KCNQ5: variants seen among roughly 807,000 people sequenced by gnomAD.
KCNQ5 encodes potassium voltage-gated channel subfamily Q member 5, also known as potassium voltage-gated channel subfamily KQT member 5.
Under a neutral mutation model 98.2 loss-of-function variants are expected in KCNQ5, and 30 were observed. The ratio of observed to expected loss-of-function variants is 0.31; its 90% confidence interval spans 0.23 to 0.41. The LOEUF is 0.41. Among genes scored for constraint, KCNQ5 ranks in the 10% least tolerant of loss-of-function variants. The probability of loss-of-function intolerance (pLI) is 1.00; values close to 1 mark genes in which losing one functional copy is unlikely to be tolerated. For missense variants in KCNQ5, 835 were observed against 1,182.5 expected, an observed-to-expected ratio of 0.71 and a Z score of 4.31; for synonymous variants, 458 against 449.4, an observed-to-expected ratio of 1.02 and a Z score of -0.24.
chr6:73,101,869 T>C (rs538295891), intron 5 of KCNQ5, among the ~76,000 whole-genome samples: 1 of 152,090 alleles, frequency 6.6e-6, no homozygotes. Context: ...AAAATACCAA[T>C]GACATTCTTC....
intron 1 of KCNQ5, among the ~76,000 whole-genome samples, chr6:72,936,970 T>C (rs1765951775): frequency 6.6e-6 from 1 of 152,208 alleles, no homozygotes; most frequent in African/African-American, 2.4e-5. Context: ...TTTTGCATAA[T>C]TGAGATAGAA....
chr6:72,930,987 A>T (rs1765670569), intron 1 of KCNQ5, among the ~76,000 whole-genome samples: 1 of 152,016 alleles, frequency 6.6e-6, no homozygotes, highest in African/African-American at 2.4e-5. Context: ...TTGTTGGCTG[A>T]CCTCTGCTTT....
chr6:72,926,039 G>A (rs1009529311), intron 1 of KCNQ5, among the ~76,000 whole-genome samples: 9 of 152,176 alleles, frequency 5.9e-5, no homozygotes, highest in Non-Finnish European at 1.2e-4. Context: ...AAAAATAGCA[G>A]AGAGCCAGAA....
chr6:73,187,936 A>C (rs1765443699), intron 11 of KCNQ5, among the ~76,000 whole-genome samples: 1 of 152,182 alleles, frequency 6.6e-6, no homozygotes, highest in South Asian at 2.1e-4. Context: ...ACATCCCACC[A>C]AGAAAAAATG....
At chr6:72,660,444 C>T (rs1766451631) in intron 1 of KCNQ5, among the ~76,000 whole-genome samples, 1 of 151,872 alleles carries the variant, frequency 6.6e-6, no homozygotes, top group Non-Finnish European at 1.5e-5. Flanking sequence ...TCTGATAATC[C>T]CTTTTTATCA....
intron 10 of KCNQ5, chr6:73,135,853 T>A (rs1212335449): frequency 2.0e-5 from 3 of 152,208 alleles, no homozygotes; most frequent in Non-Finnish European, 4.4e-5. Context: ...CTTTAGATGG[T>A]CTTCTCCCTG....
chr6:73,156,886 G>A (rs1396683811), intron 10 of KCNQ5, among the ~76,000 whole-genome samples: 2 of 152,182 alleles, frequency 1.3e-5, no homozygotes, highest in Non-Finnish European at 2.9e-5. Flanking sequence ...GAGGAGATAG[G>A]AGCAGAGAAG....
chr6:72,710,975 A>G (rs1769337239), intron 1 of KCNQ5, among the ~76,000 whole-genome samples: 1 of 152,178 alleles, frequency 6.6e-6, no homozygotes, highest in Non-Finnish European at 1.5e-5. Context: ...GATCCAAATC[A>G]TATTGAATAT....
chr6:72,871,851 G>A (rs950036042), intron 1 of KCNQ5, among the ~76,000 whole-genome samples: 2 of 152,098 alleles, frequency 1.3e-5, no homozygotes, highest in African/African-American at 2.4e-5. Flanking sequence ...GATTGAGCAG[G>A]CATTCATCTG....
intron 1 of KCNQ5, among the ~76,000 whole-genome samples, chr6:72,984,522 A>G (rs553776640): frequency 6.6e-6 from 1 of 152,238 alleles, no homozygotes; most frequent in African/African-American, 2.4e-5. Flanking sequence ...CGAGCCAGAC[A>G]TGGGATATAC....
chr6:73,120,885 A>G (rs1562190872), intron 8 of KCNQ5, among the ~76,000 whole-genome samples: 1 of 152,206 alleles, frequency 6.6e-6, no homozygotes, highest in Non-Finnish European at 1.5e-5. Flanking sequence ...TCCTAAAGGT[A>G]AGCACCACAG....
intron 1 of KCNQ5, among the ~76,000 whole-genome samples, chr6:72,832,486 G>A (rs540654341): frequency 6.6e-6 from 1 of 152,130 alleles, no homozygotes; most frequent in African/African-American, 2.4e-5. Context: ...GTCATGCACG[G>A]GACAGCCCCA....
At chr6:73,122,350 G>GA (rs1286303209) in intron 8 of KCNQ5, among the ~76,000 whole-genome samples, 1 of 152,108 alleles carries the variant, frequency 6.6e-6, no homozygotes, top group East Asian at 1.9e-4. Context: ...TAAAAGCCTG[G>GA]AAAAACTGTT....
chr6:72,738,740 A>G (rs1770978153), intron 1 of KCNQ5, among the ~76,000 whole-genome samples: 1 of 152,192 alleles, frequency 6.6e-6, no homozygotes, highest in South Asian at 2.1e-4. Context: ...AAGGTATCAC[A>G]TCGTGAAAAG....
intron 2 of KCNQ5, among the ~76,000 whole-genome samples, chr6:73,026,076 C>T (rs1343396881): frequency 6.6e-6 from 1 of 152,190 alleles, no homozygotes; most frequent in Non-Finnish European, 1.5e-5. Flanking sequence ...TTTCCATGCC[C>T]TGATCCTCGG....
intron 1 of KCNQ5, among the ~76,000 whole-genome samples, chr6:72,930,243 A>G (rs1288787971): frequency 6.6e-6 from 1 of 152,166 alleles, no homozygotes; most frequent in African/African-American, 2.4e-5. Flanking sequence ...GATTTCATAA[A>G]TAAACCTAGA....
chr6:72,636,890 G>A (rs1486461812), intron 1 of KCNQ5, among the ~76,000 whole-genome samples: 1 of 152,264 alleles, frequency 6.6e-6, no homozygotes, highest in East Asian at 1.9e-4. Context: ...CTTTTGAAGG[G>A]ATTTACAAGG....
At chr6:73,030,457 AG>A (rs1284634440) in intron 2 of KCNQ5, among the ~76,000 whole-genome samples, 1 of 152,186 alleles carries the variant, frequency 6.6e-6, no homozygotes, top group Non-Finnish European at 1.5e-5. Context: ...TACCTCTCAA[AG>A]CTCACCAAAG....
intron 2 of KCNQ5, among the ~76,000 whole-genome samples, chr6:73,036,385 CAAAAAAAAAAA>C (rs70994156): frequency 2.5e-5 from 2 of 78,550 alleles, no homozygotes; most frequent in Non-Finnish European, 2.3e-5. Context: ...GACTCTGTCT[CAAAAAAAAAAA>C]AAAAAAAAAA....
Sources: allele counts gnomAD v4.1 joint callset (sites outside exome capture counted in the v4.1 genomes callset), GRCh38; gene constraint gnomAD v4.1.1; transcripts MANE v1.5; gene names NCBI Gene and HGNC (gene_info 2026-07-23, HGNC 2026-07-21).